GPRC5B: variants seen among roughly 807,000 people sequenced by gnomAD.
GPRC5B encodes the protein G protein-coupled receptor class C group 5 member B.
GPRC5B carries 16 observed loss-of-function variants against 30.1 expected under a neutral mutation model. That is an observed-to-expected ratio of 0.53 (90% CI 0.36 to 0.81). GPRC5B has a LOEUF of 0.81. Among genes scored for constraint, GPRC5B ranks in the 30% least tolerant of loss-of-function variants. GPRC5B has a pLI of 0.01. For synonymous variants in GPRC5B, 241 were observed against 239.5 expected, an observed-to-expected ratio of 1.01 and a Z score of -0.06; for missense variants, 428 against 544.7, an observed-to-expected ratio of 0.79 and a Z score of 2.13.
At chr16:19,877,596 GACA>G (rs764806221) in intron 1 of GPRC5B, among the ~76,000 whole-genome samples, 3 of 152,146 alleles carry the variant, frequency 2.0e-5, no homozygotes, top group Admixed American at 6.6e-5. Context: ...CAGCCAAAGT[GACA>G]ACAACAATAA....
intron 3 of GPRC5B, among the ~76,000 whole-genome samples, chr16:19,861,456 G>C (rs2056621664): frequency 2.6e-5 from 4 of 152,140 alleles, no homozygotes; most frequent in Admixed American, 2.6e-4. Context: ...TCAACAGAGG[G>C]GTGACCGGGG....
At position 19,872,648 on chromosome 16, in the gene GPRC5B, G is replaced by A. The variant is rs775838103; in HGVS notation, c.198C>T (p.Gly66=). 28 of 1,613,940 alleles carry A rather than the reference G, an allele frequency of 1.7e-5. No homozygotes were observed. The highest frequency in any genetic ancestry group is 8.9e-5 in the East Asian group (4 of 44,864). ...GCATCAGGAGCAGTGTGATCAGGGC[G>A]CCCGCCCCGGCCACCGCCTCCACCA... ...GIVVEAVAGA[G]ALITLLLMLI... The change falls in exon 2 of 4, where the codon GGC becomes GGT. Residue 66 remains glycine, a synonymous_variant. Transcript: ENST00000300571. The surrounding 1 kb of genome is among the most constrained non-coding windows in gnomAD (Gnocchi z 5.0).
At chr16:19,882,459 G>C (rs566590894) in intron 1 of GPRC5B, 26 of 152,256 alleles carry the variant, frequency 1.7e-4, no homozygotes, top group African/African-American at 5.5e-4. Context: ...CGTGGGCTCC[G>C]GGGGGCTCCG....
In GPRC5B at chr16:19,856,974, C is replaced by T. The variant is rs922990354; in HGVS notation, c.*3526G>A. 1 of 168,432 alleles carries T rather than the reference C, an allele frequency of 5.9e-6. No homozygotes were observed. The highest frequency in any genetic ancestry group is 2.4e-5 in the African/African-American group (1 of 41,608). The allele number at this position is 168,432 out of a possible 1,614,324, so 10.4% of individuals were successfully genotyped here. ...ATTTGGTTTTAAGTTTACCTAGTGA[C>T]TGACTACTCTCTTTATAAAAAAGAC... is the stretch of plus-strand genomic sequence containing the variant. On this transcript the variant is annotated 3_prime_UTR_variant, in exon 4 of 4. Transcript: ENST00000300571.
rs527749972 is a variant in GPRC5B at position 19,879,414 on chromosome 16, TCA to T, written c.-2+5311_-2+5312del. 9.3e-5 allele frequency among the ~76,000 whole-genome samples: 14 copies of T among 150,148 alleles called. No individual in the cohort carries two copies. In the South Asian group the frequency reaches 1.0e-3, roughly 11 times the overall value. On this transcript the variant is annotated intron_variant, in intron 1 of 3. Transcript: ENST00000300571. ...TAAATATACTGCATCTCTCTCTCTC[TCA>T]CACACACACACACACCACACACACA...
At chr16:19,884,866 C>T (rs2141157162), upstream of GPRC5B, 1 of 981,800 alleles carries the variant, frequency 1.0e-6, no homozygotes, top group Non-Finnish European at 1.2e-6. Flanking sequence ...AGAGTCGCTG[C>T]CGCGCGAGGC....
chr16:19,873,852 C>T (rs2056741702), intron 1 of GPRC5B, among the ~76,000 whole-genome samples: 1 of 152,110 alleles, frequency 6.6e-6, no homozygotes, highest in Non-Finnish European at 1.5e-5. Context: ...ATCGGAGGCT[C>T]ACTACAGCCT....
rs1473319902 is a variant in GPRC5B at position 19,860,221 on chromosome 16, A to G, written c.*279T>C. The G allele has an allele frequency of 2.5e-6, 1 of 404,004 alleles. No homozygotes were observed. The highest frequency in any genetic ancestry group is 5.3e-5 in the East Asian group (1 of 18,784). The allele number at this position is 404,004 out of a possible 1,614,324, so 25.0% of individuals were successfully genotyped here. On this transcript the variant is annotated 3_prime_UTR_variant, in exon 4 of 4. Coordinates refer to ENST00000300571, the MANE Select transcript of GPRC5B (RefSeq NM_016235.3). The stretch of plus-strand genomic sequence containing the variant: ...CCAGCCACATTTTCCAGTGAGCCTA[A>G]TACTATTTGCAATTAGCTTTGCTTT...
At chr16:19,861,087 T>TGAAAAAAA in intron 3 of GPRC5B, among the ~76,000 whole-genome samples, 1 of 93,404 alleles carries the variant, frequency 1.1e-5, no homozygotes, top group Middle Eastern at 6.8e-3. Flanking sequence ...CTGATTTACA[T>TGAAAAAAA]AAAAAAAAAA....
At chr16:19,885,292 C>T (rs775241710), upstream of GPRC5B, 15 of 1,272,718 alleles carry the variant, frequency 1.2e-5, no homozygotes, top group South Asian at 1.8e-4. This position sits in a 1 kb window ranked among gnomAD's most constrained non-coding sequence, Gnocchi z 5.3. Flanking sequence ...GCAGTAACTT[C>T]CCCGAAACAC....
At chr16:19,879,849 A>G (rs1186105892) in intron 1 of GPRC5B, among the ~76,000 whole-genome samples, 3 of 152,144 alleles carry the variant, frequency 2.0e-5, no homozygotes, top group African/African-American at 7.2e-5. Flanking sequence ...AATACATAAA[A>G]AAGGCCAAGC....
Position 19,857,178 on chromosome 16 carries a change from T to C in GPRC5B, c.*3322A>G, listed in dbSNP as rs2056572665. The C allele has an allele frequency of 3.9e-6, 1 of 256,892 alleles. No individual in the cohort carries two copies. Among genetic ancestry groups the C allele is most frequent in the Non-Finnish European group, 7.5e-6 (1 of 133,048 alleles). 15.9% of individuals were successfully genotyped at this position (256,892 alleles called of 1,614,324 possible). A position where few individuals can be genotyped will look rare whatever the true frequency, so the allele number is the denominator to read the frequency against. On this transcript the variant is annotated 3_prime_UTR_variant, in exon 4 of 4. Coordinates refer to ENST00000300571, the MANE Select transcript of GPRC5B (RefSeq NM_016235.3). ...AAACTTATTACCTTAATATGTTCTG[T>C]GGTTTGCTGTTAACCAAGATTCTCC...
At chr16:19,864,858 C>T (rs1446475709) in intron 2 of GPRC5B, among the ~76,000 whole-genome samples, 1 of 151,050 alleles carries the variant, frequency 6.6e-6, no homozygotes, top group Non-Finnish European at 1.5e-5. Flanking sequence ...AGAACAAAGG[C>T]CATCTAGCCA....
Position 19,860,050 on chromosome 16 carries a change from G to A in GPRC5B, c.*450C>T, listed in dbSNP as rs923820294. 7 of 163,092 alleles carry A rather than the reference G, an allele frequency of 4.3e-5. No individual in the cohort carries two copies. The highest frequency in any genetic ancestry group is 9.2e-5 in the Non-Finnish European group (7 of 75,722). The allele number at this position is 163,092 out of a possible 1,614,324, so 10.1% of individuals were successfully genotyped here. A position where few individuals can be genotyped will look rare whatever the true frequency, so the allele number is the denominator to read the frequency against. ...AGTCCCCATTTGTCCTCAACGCAACGGTCATCTCCAAGAGGCTACCTGGGG... is the reference window on the plus strand; with the variant it reads ...AGTCCCCATTTGTCCTCAACGCAACAGTCATCTCCAAGAGGCTACCTGGGG... On this transcript the variant is annotated 3_prime_UTR_variant, in exon 4 of 4. Coordinates refer to ENST00000300571, the MANE Select transcript of GPRC5B (RefSeq NM_016235.3).
chr16:19,873,106 A>G (rs993675522), intron 1 of GPRC5B, among the ~76,000 whole-genome samples: 3 of 152,128 alleles, frequency 2.0e-5, no homozygotes, highest in African/African-American at 7.2e-5. Flanking sequence ...AGGGAGGCCA[A>G]CTTCTCTGTA....
In GPRC5B at chr16:19,861,978, G is replaced by A; in HGVS notation, c.1031-5C>T. On this transcript the variant is annotated splice_polypyrimidine_tract_variant and splice_region_variant and intron_variant, in intron 2 of 3. Transcript: ENST00000300571. ...GAAATCCTGCTGTTCGGAGAGCTGGGGGAGGGAGGGATTGGCAAGACAACA... is the reference window on the plus strand; with the variant it reads ...GAAATCCTGCTGTTCGGAGAGCTGGAGGAGGGAGGGATTGGCAAGACAACA... 6.2e-7 allele frequency: 1 copy of A among 1,613,524 alleles called. No individual in the cohort carries two copies. Among genetic ancestry groups the A allele is most frequent in the Non-Finnish European group, 8.5e-7 (1 of 1,179,578 alleles).
At chr16:19,869,333 CAAAAAAAAA>C (rs35252104) in intron 2 of GPRC5B, among the ~76,000 whole-genome samples, 1 of 62,006 alleles carries the variant, frequency 1.6e-5, no homozygotes, top group African/African-American at 6.1e-5. Flanking sequence ...GACTCTGCCT[CAAAAAAAAA>C]AAAAAAAAAA....
chr16:19,872,648 G>C lies in GPRC5B; in HGVS notation c.198C>G (p.Gly66=). The change falls in exon 2 of 4, where the codon GGC becomes GGG. Residue 66 remains glycine, a synonymous_variant. Transcript: ENST00000300571. The surrounding 1 kb of genome is among the most constrained non-coding windows in gnomAD (Gnocchi z 5.0). ...GIVVEAVAGA[G]ALITLLLMLI... is the part of the protein sequence containing the mutation. Reference sequence around the variant, plus strand: ...GCATCAGGAGCAGTGTGATCAGGGCGCCCGCCCCGGCCACCGCCTCCACCA... The same window carrying C: ...GCATCAGGAGCAGTGTGATCAGGGCCCCCGCCCCGGCCACCGCCTCCACCA... 1 of 1,613,940 alleles carries C rather than the reference G, an allele frequency of 6.2e-7. No homozygotes were observed. Among genetic ancestry groups the C allele is most frequent in the Non-Finnish European group, 8.5e-7 (1 of 1,179,856 alleles).
chr16:19,877,157 G>C (rs1474443625), intron 1 of GPRC5B, among the ~76,000 whole-genome samples: 11 of 152,168 alleles, frequency 7.2e-5, no homozygotes, highest in Non-Finnish European at 2.9e-5. Context: ...CTATGGGATG[G>C]ACCACAGTCC....
Sources: allele counts gnomAD v4.1 joint callset (sites outside exome capture counted in the v4.1 genomes callset), GRCh38; gene constraint gnomAD v4.1.1; non-coding constraint Gnocchi (gnomAD v3.1); transcripts MANE v1.5; gene names NCBI Gene and HGNC (gene_info 2026-07-23, HGNC 2026-07-21).